UBE2O: variants seen among roughly 807,000 people sequenced by gnomAD.
UBE2O encodes the protein ubiquitin conjugating enzyme E2 O.
UBE2O carries 15 observed loss-of-function variants against 125.8 expected under a neutral mutation model. The ratio of observed to expected loss-of-function variants is 0.12; its 90% CI spans 0.08 to 0.18. UBE2O has a LOEUF of 0.18. Ranked by LOEUF, UBE2O falls within the 10% of genes least tolerant of loss-of-function variation. The pLI is 1.00. For missense variants in UBE2O, 1,280 were observed against 1,723.6 expected (o/e 0.74, Z 4.56); for synonymous variants, 708 against 703.2 (o/e 1.01, Z -0.11).
At position 76,404,810 on chromosome 17, in the gene UBE2O, C is replaced by A. The variant is rs2072388634; in HGVS notation, c.588+396G>T. Among the ~76,000 whole-genome samples the A allele has an allele frequency of 6.6e-6, 1 of 151,776 alleles. No individual in the cohort carries two copies. ...AAAGGAGGGAGGGAAGGTGATGGAG[C>A]AAACGAAGTGAAATCTTAACAGCTG... On this transcript the variant is annotated intron_variant, in intron 3 of 17. Transcript: ENST00000319380. The surrounding 1 kb of genome is among the most constrained non-coding windows in gnomAD (Gnocchi z 4.3).
chr17:76,448,334 C>T (rs1326425839), intron 1 of UBE2O, among the ~76,000 whole-genome samples: 1 of 152,234 alleles, frequency 6.6e-6, no homozygotes, highest in Non-Finnish European at 1.5e-5. Flanking sequence ...AACTTCTTCA[C>T]ATTACATCAC....
At chr17:76,413,696 T>A (rs1472706076) in intron 1 of UBE2O, among the ~76,000 whole-genome samples, 1 of 152,150 alleles carries the variant, frequency 6.6e-6, no homozygotes, top group African/African-American at 2.4e-5. Flanking sequence ...CTGGCCAGGC[T>A]TCAGGGCAGT....
At chr17:76,419,863 G>A (rs143143875) in intron 1 of UBE2O, among the ~76,000 whole-genome samples, 2,203 of 152,316 alleles carry the variant, frequency 0.014, 20 homozygotes, top group Middle Eastern at 0.027. Flanking sequence ...CTACCCACGC[G>A]GAAACCTCAG....
chr17:76,425,543 A>G lies in UBE2O; in HGVS notation c.418-19971T>C, dbSNP rs76162859. On this transcript the variant is annotated intron_variant, in intron 1 of 17. Transcript: ENST00000319380. Reference sequence around the variant, plus strand: ...TCCTAACTTATTATAGACATTATCTATTGACGTCCTGTTTTGGTACCTGAT... The same window carrying G: ...TCCTAACTTATTATAGACATTATCTGTTGACGTCCTGTTTTGGTACCTGAT... Among the ~76,000 whole-genome samples, 650 of 152,308 alleles carry G rather than the reference A, an allele frequency of 4.3e-3. 39 individuals carry two copies. In the East Asian group the frequency reaches 0.11, roughly 27 times the overall value.
chr17:76,407,344 T>C (rs572401154), intron 1 of UBE2O, among the ~76,000 whole-genome samples: 3 of 152,336 alleles, frequency 2.0e-5, no homozygotes, highest in African/African-American at 7.2e-5. Flanking sequence ...TCAAAGAATA[T>C]TCTGTGCCTG....
intron 3 of UBE2O, among the ~76,000 whole-genome samples, chr17:76,403,775 C>A (rs1246576429): frequency 6.6e-6 from 1 of 152,012 alleles, no homozygotes; most frequent in African/African-American, 2.4e-5. Flanking sequence ...ATGGTTGATT[C>A]TGGGGCTGGA....
At chr17:76,407,677 G>A (rs1184906796) in intron 1 of UBE2O, among the ~76,000 whole-genome samples, 5 of 152,244 alleles carry the variant, frequency 3.3e-5, no homozygotes, top group South Asian at 4.1e-4. Context: ...AGGGGAAACC[G>A]AGGTGTCAAC....
In UBE2O at chr17:76,396,043, A is replaced by T; in HGVS notation, c.2809+85T>A. The T allele has an allele frequency of 6.6e-7, 1 of 1,517,564 alleles. No individual in the cohort carries two copies. The allele number at this position is 1,517,564 out of a possible 1,614,324, so 94.0% of individuals were successfully genotyped here. On this transcript the variant is annotated intron_variant, in intron 14 of 17. Transcript: ENST00000319380. This position sits in a 1 kb window ranked among gnomAD's most constrained non-coding sequence, Gnocchi z 6.7. ...GTAGCTGGGGTCTGGCGAGGGGACT[A>T]ACCACCCTGCACCCAGATCTGGTGA...
rs2072395252 is a variant in UBE2O at position 76,405,262 on chromosome 17, T to C, written c.532A>G (p.Ile178Val). 6.2e-7 allele frequency: 1 copy of C among 1,613,468 alleles called. No individual in the cohort carries two copies. The highest frequency in any genetic ancestry group is 8.5e-7 in the Non-Finnish European group (1 of 1,179,598). The change falls in exon 3 of 18, where the codon ATC becomes GTC. Residue 178 changes from isoleucine (I) to valine (V), a missense_variant. By Grantham distance (29) the Ile-to-Val change is conservative. Around this residue, in one of 10 missense-constraint regions of UBE2O, gnomAD observed 206 missense variants for 315.7 expected, o/e 0.65. Coordinates refer to ENST00000319380, the MANE Select transcript of UBE2O (RefSeq NM_022066.4). The surrounding 1 kb of genome is among the most constrained non-coding windows in gnomAD (Gnocchi z 6.1). ...GGATAGATGATGCAGTTGGTGCCGA[T>C]GAGCTTGACGGCACAGTCGATGTTG... is the stretch of plus-strand genomic sequence containing the variant. ...DVNIDCAVKLIGTNCIIYPVN... is the reference protein window; with the variant it reads ...DVNIDCAVKLVGTNCIIYPVN...
intron 1 of UBE2O, among the ~76,000 whole-genome samples, chr17:76,440,928 T>G (rs2073068323): frequency 6.6e-6 from 1 of 152,122 alleles, no homozygotes; most frequent in Non-Finnish European, 1.5e-5. Context: ...AGGGCCTGTG[T>G]GGGGGTATCT....
chr17:76,391,209 C>A lies in UBE2O; in HGVS notation c.3613G>T (p.Ala1205Ser), dbSNP rs1443867263. 4 of 1,613,150 alleles carry A rather than the reference C, an allele frequency of 2.5e-6. No homozygotes were observed. In the Admixed American group the frequency reaches 6.7e-5, roughly 27 times the overall value. Residue 1205 changes from alanine (A) to serine (S), a missense_variant, in exon 18 of 18, where the codon GCC (alanine) becomes TCC (serine). Transcript: ENST00000319380. The surrounding 1 kb of genome is among the most constrained non-coding windows in gnomAD (Gnocchi z 8.4). Reference protein sequence around the residue: ...ASQGSDSEGGAQGLASASRDH... With the variant: ...ASQGSDSEGGSQGLASASRDH... The stretch of plus-strand genomic sequence containing the variant: ...CTGCTAGCTGAGGCCAGGCCCTGGG[C>A]ACCGCCCTCTGAGTCTGAGCCCTGG...
At chr17:76,432,622 T>C (rs1020840101) in intron 1 of UBE2O, among the ~76,000 whole-genome samples, 2 of 152,014 alleles carry the variant, frequency 1.3e-5, no homozygotes, top group Admixed American at 6.6e-5. Flanking sequence ...CCCAACATAA[T>C]GCAAAATGGC....
Position 76,453,096 on chromosome 17 carries a change from G to T in UBE2O, c.46C>A (p.Gln16Lys). Residue 16 changes from glutamine to lysine, a missense_variant, in exon 1 of 18, where the codon CAG becomes AAG. Around this residue, in one of 10 missense-constraint regions of UBE2O, gnomAD observed 188 missense variants for 192.5 expected, o/e 0.98. Coordinates refer to ENST00000319380, the MANE Select transcript of UBE2O (RefSeq NM_022066.4). ...GCCTCCGGGGCTGGAGCCGGGGCCT[G>T]GGCTGGAGCGGGAGCTGCGGGCGTG... is the stretch of plus-strand genomic sequence containing the variant. ...APTPAAPAPA[Q>K]APAPAPEAVP... 1 of 983,894 alleles carries T rather than the reference G, an allele frequency of 1.0e-6. No individual in the cohort carries two copies. Among genetic ancestry groups the T allele is most frequent in the Non-Finnish European group, 1.4e-6 (1 of 732,830 alleles). The allele number at this position is 983,894 out of a possible 1,614,324, so 60.9% of individuals were successfully genotyped here.
At chr17:76,445,650 A>G (rs557640000) in intron 1 of UBE2O, among the ~76,000 whole-genome samples, 10 of 152,270 alleles carry the variant, frequency 6.6e-5, no homozygotes, top group Non-Finnish European at 1.5e-4. Flanking sequence ...ATTGAAGGAC[A>G]TTAAATCCTC....
At chr17:76,426,785 A>G (rs549708985) in intron 1 of UBE2O, among the ~76,000 whole-genome samples, 17 of 152,214 alleles carry the variant, frequency 1.1e-4, no homozygotes, top group Non-Finnish European at 2.4e-4. Flanking sequence ...GATCACTTTC[A>G]GAAGCGAATG....
rs796333709 is a variant in UBE2O at position 76,390,786 on chromosome 17, T to C, written c.*157A>G. 39 of 690,016 alleles carry C rather than the reference T, an allele frequency of 5.7e-5. No individual in the cohort carries two copies. In the African/African-American group the frequency reaches 5.8e-4, roughly 10 times the overall value. 42.7% of individuals were successfully genotyped at this position (690,016 alleles called of 1,614,324 possible). A position where few individuals can be genotyped will look rare whatever the true frequency, so the allele number is the denominator to read the frequency against. ...TAGAAACGGCAGCATCTCAACACAC[T>C]TCTTGCACTTCAGCATCAAACTCAC... On this transcript the variant is annotated 3_prime_UTR_variant, in exon 18 of 18. Transcript: ENST00000319380.
At chr17:76,434,996 C>T (rs2072966090) in intron 1 of UBE2O, among the ~76,000 whole-genome samples, 1 of 151,978 alleles carries the variant, frequency 6.6e-6, no homozygotes, top group Non-Finnish European at 1.5e-5. Context: ...CTGGGCTCTC[C>T]CTGCAGTGGC....
At position 76,400,414 on chromosome 17, in the gene UBE2O, G is replaced by C. The variant is rs1177493109; in HGVS notation, c.1004+27C>G. 1 of 1,602,554 alleles carries C rather than the reference G, an allele frequency of 6.2e-7. No homozygotes were observed. The highest frequency in any genetic ancestry group is 1.7e-5 in the Admixed American group (1 of 59,330). On this transcript the variant is annotated intron_variant, in intron 7 of 17. Transcript: ENST00000319380. This position sits in a 1 kb window ranked among gnomAD's most constrained non-coding sequence, Gnocchi z 4.3. ...GAGCCCTGTCCCACGCGTGCCCCTG[G>C]GTTGCTGGCAGTAAGGGCATGCTTA...
intron 1 of UBE2O, among the ~76,000 whole-genome samples, chr17:76,426,487 T>C (rs1225055499): frequency 1.3e-5 from 2 of 152,254 alleles, no homozygotes; most frequent in African/African-American, 4.8e-5. Context: ...CTGGCTACCA[T>C]ATTTTTTCTT....
Sources: allele counts gnomAD v4.1 joint callset (sites outside exome capture counted in the v4.1 genomes callset), GRCh38; gene constraint gnomAD v4.1.1; regional missense constraint gnomAD v4.1.1; non-coding constraint Gnocchi (gnomAD v3.1); transcripts MANE v1.5; gene names NCBI Gene and HGNC (gene_info 2026-07-23, HGNC 2026-07-21).